Variants in FANCL observed in about 807,000 individuals in gnomAD.
FANCL encodes the protein FA complementation group L.
FANCL carries 69 observed loss-of-function variants against 59.4 expected under a neutral mutation model. The observed-to-expected ratio is 1.16, with a 90% confidence interval of 0.96 to 1.42. The LOEUF is 1.42. Among genes scored for constraint, FANCL ranks in the 40% most tolerant of loss-of-function variants. The pLI is 0.00. For missense variants in FANCL, 519 were observed against 447.2 expected, an observed-to-expected ratio of 1.16 and a Z score of -1.45; for synonymous variants, 180 against 147.1, an observed-to-expected ratio of 1.22 and a Z score of -1.62.
chr2:58,216,202 G>A (rs1284362544), intron 5 of FANCL, among the ~76,000 whole-genome samples: 2 of 152,100 alleles, frequency 1.3e-5, no homozygotes, highest in South Asian at 2.1e-4. Flanking sequence ...AGACAGGAAG[G>A]GCAGCAATCA....
intron 7 of FANCL, among the ~76,000 whole-genome samples, chr2:58,197,715 A>C (rs1196320634): frequency 6.6e-6 from 1 of 152,238 alleles, no homozygotes; most frequent in Non-Finnish European, 1.5e-5. Flanking sequence ...GAATGTTCTA[A>C]AGCACAAAAT....
At chr2:58,204,610 T>C (rs937069741) in intron 5 of FANCL, among the ~76,000 whole-genome samples, 8 of 152,132 alleles carry the variant, frequency 5.3e-5, no homozygotes, top group African/African-American at 1.9e-4. Context: ...TCATACAGTA[T>C]GAGACTTTAA....
intron 7 of FANCL, among the ~76,000 whole-genome samples, chr2:58,193,194 T>C (rs954309144): frequency 2.0e-5 from 3 of 152,058 alleles, no homozygotes; most frequent in African/African-American, 7.2e-5. Context: ...AAAACCCAAG[T>C]AATTCTAAGA....
At chr2:58,163,818 G>C (rs1054852021) in intron 8 of FANCL, among the ~76,000 whole-genome samples, 1 of 151,790 alleles carries the variant, frequency 6.6e-6, no homozygotes, top group African/African-American at 2.4e-5. Flanking sequence ...GAGTGATAAA[G>C]GTCTTTAATA....
rs576179044 is a variant in FANCL, at chr2:58,179,848, T to C, written c.541-13974A>G. Among the ~76,000 whole-genome samples the C allele has an allele frequency of 2.6e-5, 4 of 152,002 alleles. 1 individual carries two copies. In the South Asian group the frequency reaches 8.3e-4, roughly 32 times the overall value. On this transcript the variant is annotated intron_variant, in intron 7 of 13. Transcript: ENST00000233741. Reference sequence around the variant, plus strand: ...CTATCCATCTGACAAAGGGCTAATATCCAGAATCTACAAGGAACTTAAATT... The same window carrying C: ...CTATCCATCTGACAAAGGGCTAATACCCAGAATCTACAAGGAACTTAAATT...
chr2:58,167,052 A>G (rs1686023204), intron 7 of FANCL, among the ~76,000 whole-genome samples: 1 of 152,214 alleles, frequency 6.6e-6, no homozygotes, highest in African/African-American at 2.4e-5. Flanking sequence ...TCTCTTCTAA[A>G]AATACAAAAA....
chr2:58,226,945 C>A (rs1397135819), intron 3 of FANCL, among the ~76,000 whole-genome samples, 161 bp from the exon 4 acceptor site: 1 of 152,164 alleles, frequency 6.6e-6, no homozygotes, highest in Non-Finnish European at 1.5e-5. Context: ...CTTTACTACT[C>A]CTACCAATTT....
At chr2:58,225,885 T>G (rs776681755) in intron 4 of FANCL, among the ~76,000 whole-genome samples, 2 of 152,088 alleles carry the variant, frequency 1.3e-5, no homozygotes, top group Non-Finnish European at 2.9e-5. Flanking sequence ...AAGTCTTATA[T>G]AAGGCTTAAG....
chr2:58,209,629 A>T (rs779312251), intron 5 of FANCL, among the ~76,000 whole-genome samples: 4 of 152,174 alleles, frequency 2.6e-5, no homozygotes, highest in South Asian at 2.1e-4. Context: ...TGATACACCT[A>T]CTTTACACTA....
rs1408807730 is a variant in FANCL at position 58,159,605 on chromosome 2, G to C, written c.*160C>G. The C allele has an allele frequency of 1.2e-6, 2 of 1,613,662 alleles. No homozygotes were observed. Among genetic ancestry groups the C allele is most frequent in the African/African-American group, 2.7e-5 (2 of 74,908 alleles). ...CCTACAATTTCCCAGTTTACTCTTAGTGAAGAGACAAACGCAGATGTTTAT... is the reference window on the plus strand; with the variant it reads ...CCTACAATTTCCCAGTTTACTCTTACTGAAGAGACAAACGCAGATGTTTAT... On this transcript the variant is annotated 3_prime_UTR_variant, in exon 14 of 14. Coordinates refer to ENST00000233741, the MANE Select transcript of FANCL (RefSeq NM_018062.4).
chr2:58,168,094 C>T (rs1300936439), intron 7 of FANCL, among the ~76,000 whole-genome samples: 1 of 151,980 alleles, frequency 6.6e-6, no homozygotes, highest in East Asian at 1.9e-4. Context: ...AAGTATTTTG[C>T]AGGGAGATGA....
At chr2:58,179,729 G>A (rs991029741) in intron 7 of FANCL, among the ~76,000 whole-genome samples, 16 of 151,854 alleles carry the variant, frequency 1.1e-4, no homozygotes, top group African/African-American at 3.9e-4. Context: ...ACTGACAAAT[G>A]GGATCTAATT....
At chr2:58,226,447 T>C (rs1693006907) in intron 4 of FANCL, among the ~76,000 whole-genome samples, 1 of 152,182 alleles carries the variant, frequency 6.6e-6, no homozygotes, top group South Asian at 2.1e-4. Context: ...AACTCTCTGC[T>C]GATAGGCCAG....
rs545190743 is a variant in FANCL, at chr2:58,240,636, T to C, written c.96+582A>G. Among the ~76,000 whole-genome samples, 3 of 152,324 alleles carry C rather than the reference T, an allele frequency of 2.0e-5. No individual in the cohort carries two copies. The South Asian group carries it at 6.2e-4, about 32-fold the overall frequency. On this transcript the variant is annotated intron_variant, in intron 1 of 13. Coordinates refer to ENST00000233741, the MANE Select transcript of FANCL (RefSeq NM_018062.4). Reference sequence around the variant, plus strand: ...CTTCAAAACCCTACACATGTGTTAGTATGTGTAATAAACTCCATATGAGAG... The same window carrying C: ...CTTCAAAACCCTACACATGTGTTAGCATGTGTAATAAACTCCATATGAGAG...
chr2:58,163,350 T>C (rs1043244234), intron 9 of FANCL, 84 bp downstream of exon 9: 18 of 951,648 alleles, frequency 1.9e-5, no homozygotes, highest in Non-Finnish European at 2.8e-5. Flanking sequence ...ACCATTAATA[T>C]ACTAATATTG....
Position 58,162,782 on chromosome 2 carries a change from T to C in FANCL, c.903+84A>G, listed in dbSNP as rs569946109. The C allele has an allele frequency of 2.0e-4, 247 of 1,224,846 alleles. 1 individual carries two copies. Among genetic ancestry groups the C allele is most frequent in the South Asian group, 1.5e-3 (118 of 80,856 alleles). The allele number at this position is 1,224,846 out of a possible 1,614,324, so 75.9% of individuals were successfully genotyped here. On this transcript the variant is annotated intron_variant, in intron 11 of 13. Transcript: ENST00000233741. ...TAATATTTTTCTAATTCCCTCCTTTTTCAGCCTCATTTTTCACTGAGAGAA... is the reference window on the plus strand; with the variant it reads ...TAATATTTTTCTAATTCCCTCCTTTCTCAGCCTCATTTTTCACTGAGAGAA...
chr2:58,229,930 T>C, intron 2 of FANCL, 56 bp from the exon 3 acceptor site: 1 of 1,230,928 alleles, frequency 8.1e-7, no homozygotes, highest in Non-Finnish European at 1.2e-6. Flanking sequence ...AAAAACTTAT[T>C]TGTATGCTAA....
chr2:58,188,891 T>A, intron 7 of FANCL, among the ~76,000 whole-genome samples: 1 of 152,064 alleles, frequency 6.6e-6, no homozygotes, highest in East Asian at 1.9e-4. Context: ...AAAAGGTGAA[T>A]GGCCAATATG....
intron 6 of FANCL, among the ~76,000 whole-genome samples, chr2:58,201,577 A>C (rs1459536847): frequency 6.6e-6 from 1 of 151,958 alleles, no homozygotes. Context: ...CATATATGTA[A>C]TTTGTTTTTC....
Sources: allele counts gnomAD v4.1 joint callset (sites outside exome capture counted in the v4.1 genomes callset), GRCh38; gene constraint gnomAD v4.1.1; transcripts MANE v1.5; gene names NCBI Gene and HGNC (gene_info 2026-07-23, HGNC 2026-07-21).